Variants in MTA1 observed in about 807,000 individuals in gnomAD.
The protein encoded by MTA1 is metastasis associated 1.
Under a neutral mutation model 97.0 loss-of-function variants are expected in MTA1, and 15 were observed. That is an observed-to-expected ratio of 0.15 (90% confidence interval 0.10 to 0.24). MTA1 has a LOEUF of 0.24. MTA1 is among the 10% of genes least tolerant of loss of function. MTA1 has a pLI of 1.00. For missense variants in MTA1, 709 were observed against 1,015.1 expected (o/e 0.70, Z 4.10); for synonymous variants, 435 against 417.5 (o/e 1.04, Z -0.51).
At chr14:105,441,493 A>G (rs782700743) in intron 2 of MTA1, among the ~76,000 whole-genome samples, 2 of 152,200 alleles carry the variant, frequency 1.3e-5, no homozygotes, top group Non-Finnish European at 2.9e-5. Flanking sequence ...CAGCCAGCAC[A>G]TGTAAAAATT....
At position 105,470,157 on chromosome 14, in the gene MTA1, C is replaced by T. The variant is rs746102858; in HGVS notation, c.2090C>T (p.Pro697Leu). 1.5e-5 allele frequency: 24 copies of T among 1,610,250 alleles called. No individual in the cohort carries two copies. The highest frequency in any genetic ancestry group is 6.6e-5 in the South Asian group (6 of 90,974). The part of the protein sequence containing the change: ...PIALRQSQAL[P>L]PRPPPPAPVN... Reference sequence around the variant, plus strand: ...GCCCTGCGCCAGAGCCAGGCCCTGCCGCCGCGGCCACCGCCACCTGCGCCC... The same window carrying T: ...GCCCTGCGCCAGAGCCAGGCCCTGCTGCCGCGGCCACCGCCACCTGCGCCC... Residue 697 changes from proline (P) to leucine (L), a missense_variant, in exon 21 of 21, where the codon CCG becomes CTG. Transcript: ENST00000331320.
rs1407825188 is a variant in MTA1, at chr14:105,464,111, A to G, written c.1156A>G (p.Ser386Gly). ...GAACGGCACGGGGGCGCCGGGCCAG[A>G]GCCCTGGGGCTGGCCGGGCCTGCGA... ...VVNGTGAPGQ[S>G]PGAGRACESC... Residue 386 changes from serine (S) to glycine (G), a missense_variant, in exon 13 of 21, where the codon AGC becomes GGC. By Grantham distance (56) the Ser-to-Gly change is moderately conservative (BLOSUM62 0). This residue lies in a region of MTA1 where 321 missense variants were observed against 593.5 expected (regional missense o/e 0.54). Transcript: ENST00000331320. 3 of 1,611,946 alleles carry G rather than the reference A, an allele frequency of 1.9e-6. No individual in the cohort carries two copies. In the Admixed American group the frequency reaches 5.0e-5, roughly 27 times the overall value.
intron 2 of MTA1, among the ~76,000 whole-genome samples, chr14:105,440,033 C>T (rs2082457100): frequency 6.6e-6 from 1 of 152,186 alleles, no homozygotes; most frequent in Admixed American, 6.5e-5. Flanking sequence ...CACCTGGGGC[C>T]GAGGAGCATG....
In MTA1 at chr14:105,445,353, C is replaced by T. The variant is rs1244845522; in HGVS notation, c.97-65C>T. ...ACGGCAGGGTCCGGCCTTGGAGCCC[C>T]TCCTGGGAGCTGTGCAGCCCGGGTT... On this transcript the variant is annotated intron_variant, in intron 2 of 20. Coordinates refer to ENST00000331320, the MANE Select transcript of MTA1 (RefSeq NM_004689.4). 33 of 1,502,920 alleles carry T rather than the reference C, an allele frequency of 2.2e-5. No homozygotes were observed. In the Admixed American group the frequency reaches 5.4e-4, roughly 25 times the overall value. 93.1% of individuals were successfully genotyped at this position (1,502,920 alleles called of 1,614,324 possible). A position where few individuals can be genotyped will look rare whatever the true frequency, so the allele number is the denominator to read the frequency against.
chr14:105,445,609 C>G (rs1462899841), intron 3 of MTA1, 98 bp downstream of exon 3: 5 of 1,224,074 alleles, frequency 4.1e-6, no homozygotes, highest in Non-Finnish European at 4.7e-6. Flanking sequence ...GCATCCTGGC[C>G]TCGTGGGGCC....
At position 105,419,968 on chromosome 14, in the gene MTA1, C is replaced by T. The variant is rs2081768664; in HGVS notation, c.-68C>T. 1.8e-5 allele frequency: 15 copies of T among 837,994 alleles called. No homozygotes were observed. Among genetic ancestry groups the T allele is most frequent in the Non-Finnish European group, 2.2e-5 (15 of 694,640 alleles). 51.9% of individuals were successfully genotyped at this position (837,994 alleles called of 1,614,324 possible). A position where few individuals can be genotyped will look rare whatever the true frequency, so the allele number is the denominator to read the frequency against. ...CCCCCCGCCCCCGCCATCGCGCCTC[C>T]ATTTTCCCGGCCGCCCGCGCCGAGC... is the stretch of plus-strand genomic sequence containing the variant. On this transcript the variant is annotated 5_prime_UTR_variant, in exon 1 of 21. Transcript: ENST00000331320.
chr14:105,428,557 C>T (rs587764912), intron 1 of MTA1, among the ~76,000 whole-genome samples: 1 of 152,282 alleles, frequency 6.6e-6, no homozygotes, highest in African/African-American at 2.4e-5. Context: ...AGTGAGCCAC[C>T]ATGCCCAGCC....
intron 18 of MTA1, chr14:105,467,872 G>A (rs2083662336): frequency 4.1e-6 from 1 of 241,586 alleles, no homozygotes; most frequent in Non-Finnish European, 8.3e-6. Flanking sequence ...GTTTTGTTTT[G>A]TAAAAAGCGG....
chr14:105,469,668 A>G, intron 19 of MTA1, 170 bp downstream of exon 19: 1 of 1,205,662 alleles, frequency 8.3e-7, no homozygotes, highest in Non-Finnish European at 1.2e-6. Context: ...TGCCAGGCCC[A>G]GCGGTGTGCG....
chr14:105,439,418 T>G lies in MTA1; in HGVS notation c.96+679T>G, dbSNP rs587612560. On this transcript the variant is annotated intron_variant, in intron 2 of 20. Coordinates refer to ENST00000331320, the MANE Select transcript of MTA1 (RefSeq NM_004689.4). ...ATCCTTCCTGGGGGGTGGTGACACA[T>G]GGGCCCCTCAGCCCCAGCCACTCCT... Among the ~76,000 whole-genome samples, 259 of 152,270 alleles carry G rather than the reference T, an allele frequency of 1.7e-3. 1 individual carries two copies. Among genetic ancestry groups the G allele is most frequent in the African/African-American group, 5.9e-3 (246 of 41,552 alleles).
At chr14:105,447,105 G>C (rs1313297427) in intron 3 of MTA1, among the ~76,000 whole-genome samples, 1 of 152,264 alleles carries the variant, frequency 6.6e-6, no homozygotes, top group African/African-American at 2.4e-5. Flanking sequence ...CAGCAGCACG[G>C]CTGGCGGTTC....
intron 2 of MTA1, 72 bp from the exon 3 acceptor site, chr14:105,445,346 G>A (rs1379431480): frequency 7.0e-7 from 1 of 1,432,570 alleles, no homozygotes; most frequent in Non-Finnish European, 9.7e-7. Context: ...GTCCGGCCTT[G>A]GAGCCCCTCC....
At position 105,462,818 on chromosome 14, in the gene MTA1, G is replaced by A. The variant is rs587711792; in HGVS notation, c.943-366G>A. 1.4e-4 allele frequency among the ~76,000 whole-genome samples: 22 copies of A among 152,230 alleles called. No individual in the cohort carries two copies. The East Asian group carries it at 3.5e-3, about 24-fold the overall frequency. ...CGGGAGGCAGAGGTTGCAGCGAGCC[G>A]AGATTGTACTACTGCACTCCAGCCT... On this transcript the variant is annotated intron_variant, in intron 10 of 20. Coordinates refer to ENST00000331320, the MANE Select transcript of MTA1 (RefSeq NM_004689.4).
intron 2 of MTA1, among the ~76,000 whole-genome samples, chr14:105,440,767 C>T (rs1555425483): frequency 6.6e-6 from 1 of 152,272 alleles, no homozygotes; most frequent in Non-Finnish European, 1.5e-5. Flanking sequence ...GCCAGACGCT[C>T]ACCATGTGGA....
intron 7 of MTA1, 81 bp downstream of exon 7, chr14:105,454,391 G>A: frequency 1.0e-6 from 1 of 1,004,998 alleles, no homozygotes; most frequent in East Asian, 2.5e-5. Flanking sequence ...AGGAGGCTGG[G>A]ACATGGCCGT....
chr14:105,450,998 A>G (rs1432945446), intron 6 of MTA1, among the ~76,000 whole-genome samples: 1 of 152,132 alleles, frequency 6.6e-6, no homozygotes, highest in African/African-American at 2.4e-5. Context: ...GTTGCGGGGC[A>G]CACCTGCCAA....
At position 105,470,162 on chromosome 14, in the gene MTA1, C is replaced by T; in HGVS notation, c.2095C>T (p.Arg699Trp). The change falls in exon 21 of 21, where the codon CGG becomes TGG. Residue 699 changes from arginine to tryptophan, a missense_variant. By Grantham distance (101) the Arg-to-Trp change is moderately radical (BLOSUM62 -3). Around this residue, in one of 2 missense-constraint regions of MTA1, gnomAD observed 388 missense variants for 421.6 expected, o/e 0.92. Transcript: ENST00000331320. The stretch of plus-strand genomic sequence containing the variant: ...GCGCCAGAGCCAGGCCCTGCCGCCG[C>T]GGCCACCGCCACCTGCGCCCGTCAA... ...ALRQSQALPP[R>W]PPPPAPVNDE... 3 of 1,609,922 alleles carry T rather than the reference C, an allele frequency of 1.9e-6. No individual in the cohort carries two copies. The highest frequency in any genetic ancestry group is 2.2e-5 in the East Asian group (1 of 44,812).
chr14:105,460,686 T>TA, intron 9 of MTA1, 79 bp from the exon 10 acceptor site: 1 of 1,415,416 alleles, frequency 7.1e-7, no homozygotes, highest in Non-Finnish European at 9.4e-7. Context: ...ATCCTTGAGG[T>TA]ACTGAGGGAG....
intron 1 of MTA1, among the ~76,000 whole-genome samples, chr14:105,430,636 G>T (rs1468051630): frequency 6.6e-6 from 1 of 152,168 alleles, no homozygotes; most frequent in African/African-American, 2.4e-5. Context: ...TACCTGCAAA[G>T]CATCATCAAG....
Sources: allele counts gnomAD v4.1 joint callset (sites outside exome capture counted in the v4.1 genomes callset), GRCh38; gene constraint gnomAD v4.1.1; regional missense constraint gnomAD v4.1.1; transcripts MANE v1.5; gene names NCBI Gene and HGNC (gene_info 2026-07-23, HGNC 2026-07-21).